CSTPP1: variants seen among roughly 807,000 people sequenced by gnomAD.
The protein encoded by CSTPP1 is centriolar satellite-associated tubulin polyglutamylase complex regulator 1.
chr11:47,142,480 G>A, the CSTPP1 span, among the ~76,000 whole-genome samples: 3 of 152,082 alleles, frequency 2.0e-5, no homozygotes, highest in African/African-American at 7.2e-5. Context: ...TGGGGATACA[G>A]TCATGAATAA....
the CSTPP1 span, among the ~76,000 whole-genome samples, chr11:47,113,563 T>C: frequency 1.3e-5 from 2 of 152,158 alleles, no homozygotes. Context: ...GAGATGGTAT[T>C]TCATTATGGT....
At chr11:47,114,569 A>G in the CSTPP1 span, among the ~76,000 whole-genome samples, 384 of 152,200 alleles carry the variant, frequency 2.5e-3, 5 homozygotes, top group African/African-American at 8.9e-3. Flanking sequence ...TTGGATTCCT[A>G]GGTATTTTAT....
the CSTPP1 span, among the ~76,000 whole-genome samples, chr11:46,969,747 A>C: frequency 1.4e-4 from 21 of 152,318 alleles, no homozygotes; most frequent in Non-Finnish European, 2.4e-4. Flanking sequence ...ACCCACAGCT[A>C]TATGGATAAA....
chr11:47,007,429 C>G, the CSTPP1 span, among the ~76,000 whole-genome samples: 1 of 152,090 alleles, frequency 6.6e-6, no homozygotes, highest in Non-Finnish European at 1.5e-5. Context: ...TACTATTAAA[C>G]CCATCTACTG....
the CSTPP1 span, among the ~76,000 whole-genome samples, chr11:47,096,125 A>G: frequency 1.5e-4 from 23 of 152,226 alleles, no homozygotes; most frequent in Non-Finnish European, 2.9e-4. Context: ...TTAGGTCCAC[A>G]TTATTTTGTA....
At chr11:47,043,578 A>G in the CSTPP1 span, among the ~76,000 whole-genome samples, 4 of 152,352 alleles carry the variant, frequency 2.6e-5, no homozygotes, top group South Asian at 2.1e-4. Flanking sequence ...CCCACTTCAC[A>G]TGAACTTATA....
chr11:47,157,360 C>A, the CSTPP1 span: 2 of 966,040 alleles, frequency 2.1e-6, no homozygotes, highest in Non-Finnish European at 2.9e-6. Flanking sequence ...TGCCATTTGC[C>A]CCCAAACCAG....
At chr11:46,965,573 T>G in the CSTPP1 span, among the ~76,000 whole-genome samples, 2 of 152,186 alleles carry the variant, frequency 1.3e-5, no homozygotes, top group Non-Finnish European at 2.9e-5. Flanking sequence ...AAATAATTAG[T>G]GACAATAGTA....
At chr11:46,939,961 C>T in the CSTPP1 span, among the ~76,000 whole-genome samples, 1 of 152,154 alleles carries the variant, frequency 6.6e-6, no homozygotes, top group Non-Finnish European at 1.5e-5. Context: ...ACCTCCACTT[C>T]CTGGGTTCAA....
At chr11:47,045,310 A>G in the CSTPP1 span, among the ~76,000 whole-genome samples, 2 of 152,222 alleles carry the variant, frequency 1.3e-5, no homozygotes, top group East Asian at 3.8e-4. Context: ...ATGTATATTA[A>G]TAAATTTCAC....
At chr11:47,032,822 C>T in the CSTPP1 span, among the ~76,000 whole-genome samples, 7 of 152,048 alleles carry the variant, frequency 4.6e-5, no homozygotes, top group East Asian at 3.9e-4. Context: ...TTACAGGTGC[C>T]GACCTCTCCT....
chr11:47,152,109 G>A, the CSTPP1 span, among the ~76,000 whole-genome samples: 4 of 152,014 alleles, frequency 2.6e-5, no homozygotes, highest in East Asian at 1.9e-4. Context: ...AATTAGCCGG[G>A]CATGGTGACA....
chr11:46,991,349 A>AT, the CSTPP1 span, among the ~76,000 whole-genome samples: 1 of 152,042 alleles, frequency 6.6e-6, no homozygotes, highest in Non-Finnish European at 1.5e-5. Context: ...TGAAATCTAG[A>AT]TTTTTTATGG....
the CSTPP1 span, chr11:46,936,905 A>C: frequency 1.6e-6 from 1 of 612,386 alleles, no homozygotes; most frequent in Non-Finnish European, 2.3e-6. Flanking sequence ...GAATTAGGCC[A>C]GGGTCTGGGA....
chr11:47,072,853 TA>T, the CSTPP1 span, among the ~76,000 whole-genome samples: 1 of 152,208 alleles, frequency 6.6e-6, no homozygotes, highest in African/African-American at 2.4e-5. Context: ...AAAGTAAAAT[TA>T]AATTCAGAAA....
chr11:47,161,681 C>CACCCAGCCCTTGGTGT, the CSTPP1 span: 3 of 1,556,722 alleles, frequency 1.9e-6, no homozygotes, highest in African/African-American at 4.1e-5. Flanking sequence ...TACCTGCTCC[C>CACCCAGCCCTTGGTGT]ACCCAGCCCT....
At chr11:47,093,745 A>C in the CSTPP1 span, among the ~76,000 whole-genome samples, 3 of 152,330 alleles carry the variant, frequency 2.0e-5, no homozygotes, top group East Asian at 3.9e-4. Context: ...ATAACAGTAC[A>C]GCCTCATAGG....
chr11:47,032,151 T>C, the CSTPP1 span, among the ~76,000 whole-genome samples: 1 of 152,176 alleles, frequency 6.6e-6, no homozygotes, highest in African/African-American at 2.4e-5. Context: ...ATACTTTGTA[T>C]CCTTCAATCA....
chr11:47,084,508 T>C, the CSTPP1 span, among the ~76,000 whole-genome samples: 1 of 152,144 alleles, frequency 6.6e-6, no homozygotes, highest in African/African-American at 2.4e-5. Context: ...CTAAAAGCAA[T>C]AGAGGTTTAA....
Sources: allele counts gnomAD v4.1 joint callset (sites outside exome capture counted in the v4.1 genomes callset), GRCh38; gene constraint gnomAD v4.1.1; transcripts MANE v1.5; gene names NCBI Gene and HGNC (gene_info 2026-07-23, HGNC 2026-07-21).